The following OSTF1 variants were observed in gnomAD, a reference collection of about 807,000 sequenced individuals.
OSTF1 encodes the protein osteoclast-stimulating factor 1.
A neutral mutation model predicts 37.2 loss-of-function variants in OSTF1; 27 were observed. That is an observed-to-expected ratio of 0.73 (90% CI 0.54 to 1.00). The LOEUF (loss-of-function observed/expected upper bound fraction) is 1.00. Among genes scored for constraint, OSTF1 ranks in the 50% least tolerant of loss-of-function variants. The pLI is 0.00. For missense variants in OSTF1, 232 were observed against 253.8 expected (o/e 0.91, Z 0.58); for synonymous variants, 82 against 89.2 (o/e 0.92, Z 0.46).
At position 75,131,750 on chromosome 9, in the gene OSTF1, A is replaced by G; in HGVS notation, c.197-20A>G. On this transcript the variant is annotated intron_variant, in intron 4 of 9. Transcript: ENST00000346234. ...TGTGGCAATTCCACATTGGGTTAAC[A>G]CTTTTTATTTTCAATCTAGTGGCTG... The G allele has an allele frequency of 6.2e-7, 1 of 1,608,246 alleles. No homozygotes were observed. The highest frequency in any genetic ancestry group is 8.5e-7 in the Non-Finnish European group (1 of 1,174,728).
intron 1 of OSTF1, among the ~76,000 whole-genome samples, chr9:75,095,930 C>A (rs1398164094): frequency 6.6e-6 from 1 of 150,770 alleles, no homozygotes; most frequent in Admixed American, 6.6e-5. Flanking sequence ...CTTGCTCTGT[C>A]GCCCAGGCTG....
At chr9:75,126,698 A>C (rs966280673) in intron 2 of OSTF1, among the ~76,000 whole-genome samples, 3 of 152,076 alleles carry the variant, frequency 2.0e-5, no homozygotes, top group African/African-American at 7.2e-5. Flanking sequence ...GGTTCAAGAA[A>C]TTCTCTGCCT....
At chr9:75,128,877 C>G (rs1321153854) in intron 3 of OSTF1, among the ~76,000 whole-genome samples, 1 of 151,754 alleles carries the variant, frequency 6.6e-6, no homozygotes, top group Non-Finnish European at 1.5e-5. Flanking sequence ...TGTATTTTAT[C>G]TAAAATAAAA....
At chr9:75,096,560 C>G (rs1450301766) in intron 1 of OSTF1, among the ~76,000 whole-genome samples, 1 of 151,908 alleles carries the variant, frequency 6.6e-6, no homozygotes, top group Non-Finnish European at 1.5e-5. Context: ...ACAAGGGTCT[C>G]CCTGGCATCC....
In OSTF1 at chr9:75,137,594, C is replaced by T. The variant is rs2273769; in HGVS notation, c.465C>T (p.Ile155=). ...HAAAWKGYAD[I]VQLLLAKGAR... is the part of the protein sequence containing the mutation. ...CTGCCTGGAAGGGTTATGCAGATAT[C>T]GTCCAGTTGCTTCTGGCAAAAGGTA... Residue 155 remains isoleucine (I), a synonymous_variant, in exon 8 of 10, where the codon ATC becomes ATT. Transcript: ENST00000346234. 0.17 allele frequency: 281,507 copies of T among 1,609,156 alleles called. 26,748 individuals carry two copies. Among genetic ancestry groups the T allele is most frequent in the Admixed American group, 0.22 (13,419 of 59,888 alleles).
chr9:75,128,362 A>G (rs1330883397), intron 3 of OSTF1, among the ~76,000 whole-genome samples: 1 of 51,160 alleles, frequency 2.0e-5, no homozygotes, highest in Non-Finnish European at 3.5e-5. Flanking sequence ...TGTATGAAAG[A>G]CATATATATA....
chr9:75,130,525 G>T, intron 3 of OSTF1, 53 bp from the exon 4 acceptor site: 1 of 1,193,920 alleles, frequency 8.4e-7, no homozygotes, highest in South Asian at 1.2e-5. Context: ...TTTGAAAAGT[G>T]AATGAATGCA....
intron 1 of OSTF1, among the ~76,000 whole-genome samples, chr9:75,095,602 GCTT>G (rs2118383045): frequency 6.6e-6 from 1 of 152,290 alleles, no homozygotes; most frequent in South Asian, 2.1e-4. Context: ...TAAGGGCTAA[GCTT>G]CTTTCAGAGA....
intron 1 of OSTF1, among the ~76,000 whole-genome samples, chr9:75,096,205 T>G (rs763968985): frequency 1.3e-5 from 2 of 152,182 alleles, no homozygotes; most frequent in Admixed American, 6.5e-5. Context: ...CCCCCTCCTT[T>G]TTATTCTTCC....
At chr9:75,101,551 A>G (rs759800143) in intron 1 of OSTF1, among the ~76,000 whole-genome samples, 4 of 152,226 alleles carry the variant, frequency 2.6e-5, no homozygotes, top group East Asian at 1.9e-4. Flanking sequence ...TACGTGCTAC[A>G]TAAGAACATT....
chr9:75,116,605 C>CTTTT (rs75110694), intron 1 of OSTF1, among the ~76,000 whole-genome samples: 1 of 122,876 alleles, frequency 8.1e-6, no homozygotes, highest in Non-Finnish European at 1.7e-5. Flanking sequence ...CCAATGGGTC[C>CTTTT]TTTTTTTTTT....
intron 1 of OSTF1, among the ~76,000 whole-genome samples, chr9:75,097,977 C>T (rs1825118313): frequency 6.6e-6 from 1 of 151,920 alleles, no homozygotes; most frequent in African/African-American, 2.4e-5. Context: ...CCCACCTTAG[C>T]CTTCCCAGGA....
chr9:75,090,294 GGTGTGTGTGTGTGTGTGTGTGTGT>G (rs3837221), intron 1 of OSTF1, among the ~76,000 whole-genome samples: 1 of 149,346 alleles, frequency 6.7e-6, no homozygotes, highest in Non-Finnish European at 1.5e-5. Flanking sequence ...GACATTGACA[GGTGTGTGTGTGTGTGTGTGTGTGT>G]GTGTGTGTGT....
At chr9:75,105,788 T>C (rs147852984) in intron 1 of OSTF1, among the ~76,000 whole-genome samples, 30 of 152,306 alleles carry the variant, frequency 2.0e-4, no homozygotes, top group African/African-American at 5.3e-4. Flanking sequence ...GTGAAGACAG[T>C]TGGCAAAGAG....
chr9:75,116,937 C>A (rs991890387), intron 1 of OSTF1, among the ~76,000 whole-genome samples: 3 of 151,978 alleles, frequency 2.0e-5, no homozygotes, highest in Admixed American at 2.0e-4. Flanking sequence ...TCTGAAATAC[C>A]ATTCTCCCAC....
chr9:75,109,484 T>C (rs1266343022), intron 1 of OSTF1, among the ~76,000 whole-genome samples: 1 of 152,238 alleles, frequency 6.6e-6, no homozygotes, highest in East Asian at 1.9e-4. Flanking sequence ...AAGACAAAAT[T>C]TCACAAAACT....
chr9:75,100,624 G>T (rs944138217), intron 1 of OSTF1, among the ~76,000 whole-genome samples: 1 of 151,836 alleles, frequency 6.6e-6, no homozygotes, highest in Admixed American at 6.6e-5. Flanking sequence ...CCAGCTACTC[G>T]GGAGGCTAAG....
Position 75,146,779 on chromosome 9 carries a change from C to T in OSTF1, c.*38C>T, listed in dbSNP as rs1436466064. ...GCTTTGAGATCTAAAACTTCTGTTG[C>T]TTTTGCCATTCCAAAACTTTGTCTT... On this transcript the variant is annotated 3_prime_UTR_variant, in exon 10 of 10. Coordinates refer to ENST00000346234, the MANE Select transcript of OSTF1 (RefSeq NM_012383.5). 1.4e-6 allele frequency: 2 copies of T among 1,471,644 alleles called. No individual in the cohort carries two copies. Among genetic ancestry groups the T allele is most frequent in the Non-Finnish European group, 1.9e-6 (2 of 1,065,334 alleles). The allele number at this position is 1,471,644 out of a possible 1,614,324, so 91.2% of individuals were successfully genotyped here.
chr9:75,145,587 T>C (rs1005183778), intron 9 of OSTF1, among the ~76,000 whole-genome samples: 1 of 152,198 alleles, frequency 6.6e-6, no homozygotes, highest in African/African-American at 2.4e-5. Context: ...CCTCATCAAT[T>C]GTTTTGTTAC....
Sources: gnomAD v4.1 joint callset for allele counts (sites outside exome capture counted in the v4.1 genomes callset) on GRCh38, gnomAD v4.1.1 for gene constraint, MANE v1.5 for transcripts, NCBI Gene and HGNC (gene_info 2026-07-23, HGNC 2026-07-21) for gene names.